Variants in PDE11A observed in about 807,000 individuals in gnomAD.
PDE11A encodes phosphodiesterase 11A.
PDE11A carries 100 observed loss-of-function variants against 100.5 expected under a neutral mutation model. The observed-to-expected ratio is 1.00, with a 90% confidence interval of 0.85 to 1.18. PDE11A has a LOEUF of 1.18. Among genes scored for constraint, PDE11A ranks in the 50% most tolerant of loss-of-function variants. The pLI, the probability that PDE11A is intolerant of heterozygous loss-of-function variation, is 0.00. For synonymous variants in PDE11A, 381 were observed against 420.8 expected, an observed-to-expected ratio of 0.91 and a Z score of 1.16; for missense variants, 1,141 against 1,152.6, an observed-to-expected ratio of 0.99 and a Z score of 0.15.
intron 10 of PDE11A, among the ~76,000 whole-genome samples, chr2:177,732,886 T>C (rs2081714304): frequency 6.6e-6 from 1 of 152,170 alleles, no homozygotes; most frequent in East Asian, 1.9e-4. Flanking sequence ...AGAATGACCA[T>C]TTTCAGCTAT....
At chr2:177,758,644 A>G (rs1460554800) in intron 10 of PDE11A, among the ~76,000 whole-genome samples, 1 of 152,204 alleles carries the variant, frequency 6.6e-6, no homozygotes, top group Non-Finnish European at 1.5e-5. Flanking sequence ...GCAATTACAC[A>G]CCACAATAAA....
intron 6 of PDE11A, among the ~76,000 whole-genome samples, chr2:177,828,717 A>C (rs570706111): frequency 6.6e-6 from 1 of 152,258 alleles, no homozygotes; most frequent in South Asian, 2.1e-4. Context: ...CATTATAGGA[A>C]CAAGGAGACT....
At chr2:177,788,061 T>C (rs4487117) in intron 9 of PDE11A, among the ~76,000 whole-genome samples, 49,493 of 150,394 alleles carry the variant, frequency 0.33, 8,528 homozygotes, top group African/African-American at 0.39. Context: ...ACAGAACTCT[T>C]CACCCCAAAT....
At chr2:177,853,764 G>GTATA (rs34035499) in intron 5 of PDE11A, among the ~76,000 whole-genome samples, 11 of 117,502 alleles carry the variant, frequency 9.4e-5, no homozygotes, top group East Asian at 2.3e-4. Context: ...ATCTATATAT[G>GTATA]TATATATATC....
chr2:177,917,695 A>T lies in PDE11A; in HGVS notation c.1072-12508T>A, dbSNP rs573499383. 1.8e-4 allele frequency among the ~76,000 whole-genome samples: 27 copies of T among 152,328 alleles called. No homozygotes were observed. The East Asian group carries it at 2.3e-3, about 13-fold the overall frequency. On this transcript the variant is annotated intron_variant, in intron 2 of 19. Transcript: ENST00000286063. ...TAGCATTTTACAGACACTGTGGAAG[A>T]TATGTAATAATCTCAGGAAAAATAA... is the stretch of plus-strand genomic sequence containing the variant.
chr2:177,630,499 G>A (rs983538535), intron 19 of PDE11A, among the ~76,000 whole-genome samples: 2 of 152,116 alleles, frequency 1.3e-5, no homozygotes, highest in Non-Finnish European at 2.9e-5. Flanking sequence ...GGGCAGGGCC[G>A]AGGATTTTGT....
At chr2:177,728,922 A>G (rs1172291861) in intron 10 of PDE11A, among the ~76,000 whole-genome samples, 1 of 152,164 alleles carries the variant, frequency 6.6e-6, no homozygotes, top group Non-Finnish European at 1.5e-5. Context: ...GAGGAGAAAA[A>G]AAATCTTTGG....
intron 19 of PDE11A, among the ~76,000 whole-genome samples, chr2:177,660,096 T>TC (rs1491373402): frequency 1.2e-3 from 40 of 33,482 alleles, no homozygotes; most frequent in African/African-American, 1.8e-3. Context: ...TCTTTCTTTC[T>TC]TTCTCTCTCT....
chr2:178,072,100 T>C lies in PDE11A; in HGVS notation c.338A>G (p.Gln113Arg). 6.2e-7 allele frequency: 1 copy of C among 1,613,962 alleles called. No homozygotes were observed. The highest frequency in any genetic ancestry group is 1.3e-5 in the African/African-American group (1 of 75,046). The change falls in exon 1 of 20, where the codon CAG (glutamine) becomes CGG (arginine). Residue 113 changes from glutamine to arginine, a missense_variant. Physicochemically the swap from Gln to Arg is conservative, Grantham distance 43 (BLOSUM62 1). Coordinates refer to ENST00000286063, the MANE Select transcript of PDE11A (RefSeq NM_016953.4). ...TAGCTCTTTCTGAGAAGCTCTCCGC[T>C]GCAGGTTCCCATCGCCCCTGCTGCC... ...AGGSRGDGNL[Q>R]RRASQKELRK...
intron 19 of PDE11A, among the ~76,000 whole-genome samples, chr2:177,648,545 C>T (rs2080258060): frequency 6.6e-6 from 1 of 151,942 alleles, no homozygotes; most frequent in African/African-American, 2.4e-5. Flanking sequence ...AAAGACAAAC[C>T]AGATTTCCTT....
Position 177,742,343 on chromosome 2 carries a change from G to A in PDE11A, c.1789-14171C>T, listed in dbSNP as rs1157408093. ...TTTGTCTCACCCCATCTAGCTCTAC[G>A]GAACCCCTGGCCTGCAGCTCTAATC... On this transcript the variant is annotated intron_variant, in intron 10 of 19. Coordinates refer to ENST00000286063, the MANE Select transcript of PDE11A (RefSeq NM_016953.4). 5.9e-5 allele frequency among the ~76,000 whole-genome samples: 9 copies of A among 151,984 alleles called. 1 individual carries two copies. The highest frequency in any genetic ancestry group is 1.2e-4 in the Non-Finnish European group (8 of 68,004).
chr2:177,733,739 G>A (rs1333682759), intron 10 of PDE11A, among the ~76,000 whole-genome samples: 1 of 152,214 alleles, frequency 6.6e-6, no homozygotes. Context: ...CTGTGGTGAT[G>A]TGGAAGGGAC....
rs544458868 is a variant in PDE11A at position 177,868,690 on chromosome 2, T to C, written c.1367+7169A>G. On this transcript the variant is annotated intron_variant, in intron 5 of 19. Coordinates refer to ENST00000286063, the MANE Select transcript of PDE11A (RefSeq NM_016953.4). ...GGATATTAATGATGCAGCATGTATC[T>C]TTAAAAGTGCTCTGCTATCATCTCC... 2.0e-5 allele frequency among the ~76,000 whole-genome samples: 3 copies of C among 152,320 alleles called. No individual in the cohort carries two copies. The South Asian group carries it at 6.2e-4, about 32-fold the overall frequency.
Position 177,705,783 on chromosome 2 carries a change from A to G in PDE11A, c.2154-4572T>C, listed in dbSNP as rs2081268980. ...AGGAATGGGATTAGGCTGTCATGGC[A>G]GATTAATGTGCCCCAGTATTTCACT... On this transcript the variant is annotated intron_variant, in intron 13 of 19. Transcript: ENST00000286063. Among the ~76,000 whole-genome samples the G allele has an allele frequency of 2.0e-5, 3 of 152,250 alleles. No homozygotes were observed. In the South Asian group the frequency reaches 6.2e-4, roughly 31 times the overall value.
chr2:178,045,402 G>T (rs2105852211), intron 1 of PDE11A, among the ~76,000 whole-genome samples: 1 of 152,224 alleles, frequency 6.6e-6, no homozygotes, highest in Admixed American at 6.5e-5. Flanking sequence ...TCACAACATA[G>T]CTCCCAGAAA....
At chr2:177,954,730 C>A (rs1258450500) in intron 2 of PDE11A, among the ~76,000 whole-genome samples, 2 of 152,160 alleles carry the variant, frequency 1.3e-5, no homozygotes, top group Admixed American at 6.5e-5. Flanking sequence ...CCTGGCTACA[C>A]TTTAAAATTA....
intron 18 of PDE11A, among the ~76,000 whole-genome samples, chr2:177,664,872 T>C (rs1009030021): frequency 7.9e-5 from 12 of 152,180 alleles, no homozygotes; most frequent in African/African-American, 2.9e-4. Context: ...ATTATTTTGG[T>C]GTCCTTATAG....
intron 5 of PDE11A, among the ~76,000 whole-genome samples, chr2:177,850,373 C>A (rs559034344): frequency 3.4e-5 from 5 of 145,260 alleles, no homozygotes; most frequent in Non-Finnish European, 6.0e-5. Flanking sequence ...ACACCTTATA[C>A]AAAAATTAAT....
intron 9 of PDE11A, among the ~76,000 whole-genome samples, chr2:177,770,538 C>T (rs933516601): frequency 2.8e-5 from 4 of 141,800 alleles, no homozygotes; most frequent in African/African-American, 8.6e-5. Context: ...GGAGTGTCGG[C>T]GCTGCTTCTT....
Sources: allele counts gnomAD v4.1 joint callset (sites outside exome capture counted in the v4.1 genomes callset), GRCh38; gene constraint gnomAD v4.1.1; transcripts MANE v1.5; gene names NCBI Gene and HGNC (gene_info 2026-07-23, HGNC 2026-07-21).